The following MORC1 variants were observed in gnomAD, a reference collection of about 807,000 sequenced individuals.
The protein encoded by MORC1 is MORC family CW-type zinc finger protein 1.
MORC1 carries 59 observed loss-of-function variants against 134.9 expected under a neutral mutation model. That is an observed-to-expected ratio of 0.44 (90% CI 0.35 to 0.54). The LOEUF is 0.54. Ranked by LOEUF, MORC1 falls within the 20% of genes least tolerant of loss-of-function variation. The pLI is 0.00. For synonymous variants in MORC1, 395 were observed against 391.7 expected (o/e 1.01, Z -0.10); for missense variants, 947 against 1,134.5 (o/e 0.83, Z 2.37).
chr3:109,027,726 T>G (rs1949115295), intron 17 of MORC1, 25 bp downstream of exon 17: 1 of 1,613,528 alleles, frequency 6.2e-7, no homozygotes, highest in Non-Finnish European at 8.5e-7. Context: ...ACAGTAGAAT[T>G]AGGGAGGAAT....
At chr3:109,088,614 G>A (rs1436631245) in intron 8 of MORC1, among the ~76,000 whole-genome samples, 2 of 152,080 alleles carry the variant, frequency 1.3e-5, no homozygotes, top group East Asian at 3.9e-4. Context: ...ACTGTTAGTG[G>A]GAGTGTACTA....
At chr3:109,022,960 A>G (rs1433408623) in intron 17 of MORC1, among the ~76,000 whole-genome samples, 1 of 152,220 alleles carries the variant, frequency 6.6e-6, no homozygotes, top group Non-Finnish European at 1.5e-5. Flanking sequence ...GGTAGAAGTA[A>G]AACATGCTCT....
intron 9 of MORC1, among the ~76,000 whole-genome samples, chr3:109,065,216 A>G (rs373140762): frequency 1.1e-3 from 171 of 152,222 alleles, no homozygotes; most frequent in African/African-American, 4.0e-3. Flanking sequence ...ACATAGGTCA[A>G]GTAATGCCAC....
At chr3:109,071,760 A>G (rs565459565) in intron 8 of MORC1, among the ~76,000 whole-genome samples, 41 of 152,190 alleles carry the variant, frequency 2.7e-4, no homozygotes, top group Admixed American at 5.9e-4. Flanking sequence ...AGCTAGCCAC[A>G]CAGGCACCTT....
Position 108,979,166 on chromosome 3 carries a change from T to A in MORC1, c.2477+349A>T, listed in dbSNP as rs866938017. ...CCTCAATAAGTTCAGTATCCAAGACTAAAACAAACCAAAAAAAACCCAGAG... is the reference window on the plus strand; with the variant it reads ...CCTCAATAAGTTCAGTATCCAAGACAAAAACAAACCAAAAAAAACCCAGAG... On this transcript the variant is annotated intron_variant, in intron 24 of 27. Coordinates refer to ENST00000232603, the MANE Select transcript of MORC1 (RefSeq NM_014429.4). 1.3e-4 allele frequency among the ~76,000 whole-genome samples: 19 copies of A among 151,908 alleles called. 1 individual carries two copies. The highest frequency in any genetic ancestry group is 4.6e-4 in the Admixed American group (7 of 15,262).
At chr3:108,984,544 T>TTGG in intron 23 of MORC1, among the ~76,000 whole-genome samples, 172 bp downstream of exon 23, 1 of 152,018 alleles carries the variant, frequency 6.6e-6, no homozygotes, top group African/African-American at 2.4e-5. Context: ...TGAAAAGGTT[T>TTGG]GGGGGTAAGG....
chr3:109,051,064 T>G (rs1949811985), intron 14 of MORC1, among the ~76,000 whole-genome samples: 1 of 152,210 alleles, frequency 6.6e-6, no homozygotes, highest in African/African-American at 2.4e-5. Context: ...TGATTAATAT[T>G]TCTATTTTAT....
chr3:109,092,822 T>C (rs1024340583), intron 8 of MORC1, among the ~76,000 whole-genome samples: 2 of 152,190 alleles, frequency 1.3e-5, no homozygotes, highest in African/African-American at 4.8e-5. Context: ...CTCTTCTAGC[T>C]GTAGTATTCT....
chr3:109,003,458 T>C (rs192858050), intron 20 of MORC1, among the ~76,000 whole-genome samples: 274 of 151,572 alleles, frequency 1.8e-3, no homozygotes, highest in Middle Eastern at 3.4e-3. Flanking sequence ...CTGTATTTAA[T>C]GTCTAAAATG....
At chr3:108,967,337 TA>T (rs1290870712) in intron 26 of MORC1, among the ~76,000 whole-genome samples, 1 of 152,166 alleles carries the variant, frequency 6.6e-6, no homozygotes, top group Non-Finnish European at 1.5e-5. Flanking sequence ...GTATAATTCT[TA>T]GCAAATTTCA....
intron 9 of MORC1, among the ~76,000 whole-genome samples, chr3:109,064,321 T>C (rs139720704): frequency 8.2e-4 from 125 of 152,248 alleles, no homozygotes; most frequent in African/African-American, 2.7e-3. Flanking sequence ...ATTGTATAAA[T>C]TTTTATTAAT....
At chr3:109,081,558 T>G (rs1038231697) in intron 8 of MORC1, among the ~76,000 whole-genome samples, 3 of 150,632 alleles carry the variant, frequency 2.0e-5, no homozygotes, top group African/African-American at 7.3e-5. Context: ...CAGGTTCAAG[T>G]GATTCTCCCA....
At chr3:109,043,195 G>GTA (rs1949600775) in intron 14 of MORC1, among the ~76,000 whole-genome samples, 1 of 100,798 alleles carries the variant, frequency 9.9e-6, no homozygotes, top group African/African-American at 3.8e-5. Context: ...ATGTGGGGGG[G>GTA]GGGGGGTGTG....
intron 3 of MORC1, among the ~76,000 whole-genome samples, chr3:109,104,866 A>AACACACACAC (rs5851642): frequency 1.2e-4 from 18 of 149,290 alleles, no homozygotes; most frequent in African/African-American, 3.2e-4. Flanking sequence ...GACAAATTTT[A>AACACACACAC]ACACACACAC....
At chr3:109,095,726 C>G (rs1378914099) in intron 6 of MORC1, among the ~76,000 whole-genome samples, 3 of 152,080 alleles carry the variant, frequency 2.0e-5, no homozygotes, top group Non-Finnish European at 4.4e-5. Context: ...CATTTGTCTC[C>G]CAGAAGCTGA....
At chr3:109,097,866 G>A (rs934754992) in intron 6 of MORC1, among the ~76,000 whole-genome samples, 16 of 152,152 alleles carry the variant, frequency 1.1e-4, no homozygotes, top group African/African-American at 3.9e-4. Flanking sequence ...ACTGAATATT[G>A]TCATAGCTAA....
At chr3:109,039,583 G>A (rs1289010575) in intron 14 of MORC1, among the ~76,000 whole-genome samples, 1 of 152,154 alleles carries the variant, frequency 6.6e-6, no homozygotes, top group Admixed American at 6.5e-5. Context: ...TTCAGGGGAA[G>A]GGATGGATAT....
At chr3:108,997,257 G>A (rs1036235759) in intron 21 of MORC1, among the ~76,000 whole-genome samples, 5 of 152,100 alleles carry the variant, frequency 3.3e-5, no homozygotes, top group Non-Finnish European at 7.4e-5. Flanking sequence ...AACAAGGCTG[G>A]GCATGGGGCT....
chr3:109,039,195 C>T (rs989888165), intron 14 of MORC1, among the ~76,000 whole-genome samples: 2 of 152,248 alleles, frequency 1.3e-5, no homozygotes, highest in Admixed American at 1.3e-4. Flanking sequence ...GGATTACAGG[C>T]GTGAGCCACC....
Sources: allele counts gnomAD v4.1 joint callset (sites outside exome capture counted in the v4.1 genomes callset), GRCh38; gene constraint gnomAD v4.1.1; transcripts MANE v1.5; gene names NCBI Gene and HGNC (gene_info 2026-07-23, HGNC 2026-07-21).